The following SPINT2 variants were observed in gnomAD, a reference collection of about 807,000 sequenced individuals.
SPINT2 encodes the protein kunitz-type protease inhibitor 2.
SPINT2 carries 18 observed loss-of-function variants against 30.1 expected under a neutral mutation model. The observed-to-expected ratio is 0.60, with a 90% CI of 0.41 to 0.89. SPINT2 has a LOEUF of 0.89. SPINT2 is among the 40% of genes least tolerant of loss of function. The pLI is 0.00. For missense variants in SPINT2, 276 were observed against 334.3 expected, an observed-to-expected ratio of 0.83 and a Z score of 1.36; for synonymous variants, 139 against 137.9, an observed-to-expected ratio of 1.01 and a Z score of -0.05.
chr19:38,264,816 G>A lies in SPINT2; in HGVS notation c.-77G>A, dbSNP rs893130452. The A allele has an allele frequency of 1.4e-6, 2 of 1,454,696 alleles. No individual in the cohort carries two copies. The highest frequency in any genetic ancestry group is 1.9e-6 in the Non-Finnish European group (2 of 1,077,954). The allele number at this position is 1,454,696 out of a possible 1,614,324, so 90.1% of individuals were successfully genotyped here. A position where few individuals can be genotyped will look rare whatever the true frequency, so the allele number is the denominator to read the frequency against. Reference sequence around the variant, plus strand: ...GCGAGGCGCTCCATTGCGCGTGCGCGTTGAGGGGCTTCCCGCACCTGATCG... The same window carrying A: ...GCGAGGCGCTCCATTGCGCGTGCGCATTGAGGGGCTTCCCGCACCTGATCG... On this transcript the variant is annotated 5_prime_UTR_variant, in exon 1 of 7. Transcript: ENST00000301244.
intron 1 of SPINT2, among the ~76,000 whole-genome samples, chr19:38,266,608 G>A (rs1968382182): frequency 6.6e-6 from 1 of 151,990 alleles, no homozygotes; most frequent in South Asian, 2.1e-4. Context: ...GCCCAGAGGC[G>A]GAGGCTGTAG....
At chr19:38,285,315 C>G (rs375646775) in intron 2 of SPINT2, among the ~76,000 whole-genome samples, 1 of 152,110 alleles carries the variant, frequency 6.6e-6, no homozygotes, top group Admixed American at 6.6e-5. Context: ...TCCAGAGACC[C>G]GAGGGTTTGG....
At chr19:38,266,601 C>T (rs1039958865) in intron 1 of SPINT2, among the ~76,000 whole-genome samples, 1 of 151,714 alleles carries the variant, frequency 6.6e-6, no homozygotes, top group African/African-American at 2.4e-5. Context: ...GCTTGAAGCC[C>T]AGAGGCGGAG....
intron 1 of SPINT2, among the ~76,000 whole-genome samples, chr19:38,274,257 T>A (rs1387643144): frequency 6.6e-6 from 1 of 152,096 alleles, no homozygotes; most frequent in African/African-American, 2.4e-5. Flanking sequence ...TGCTAAATAC[T>A]ATTTTAAGCA....
intron 1 of SPINT2, among the ~76,000 whole-genome samples, chr19:38,267,833 G>C (rs903515120): frequency 6.6e-6 from 1 of 152,094 alleles, no homozygotes; most frequent in Non-Finnish European, 1.5e-5. Flanking sequence ...TGCCAGGCGG[G>C]GTAGTGAATG....
At chr19:38,282,093 A>T (rs184273981) in intron 1 of SPINT2, among the ~76,000 whole-genome samples, 2 of 152,252 alleles carry the variant, frequency 1.3e-5, no homozygotes, top group East Asian at 3.9e-4. Context: ...ATTTCCTTGG[A>T]GGCATGTATG....
intron 1 of SPINT2, among the ~76,000 whole-genome samples, chr19:38,268,766 C>CGCGCGTGTGTGT (rs375982086): frequency 2.7e-5 from 4 of 149,922 alleles, no homozygotes; most frequent in African/African-American, 7.4e-5. Flanking sequence ...TGCGCGCGCG[C>CGCGCGTGTGTGT]GTGTGTGTGT....
At chr19:38,276,600 C>T (rs1968521403) in intron 1 of SPINT2, among the ~76,000 whole-genome samples, 1 of 151,680 alleles carries the variant, frequency 6.6e-6, no homozygotes, top group Non-Finnish European at 1.5e-5. Flanking sequence ...CAAGATCGCA[C>T]CACTGCACTC....
Position 38,292,262 on chromosome 19 carries a change from G to C in SPINT2, c.*256G>C, listed in dbSNP as rs1294653083. 2.2e-6 allele frequency: 1 copy of C among 457,804 alleles called. No individual in the cohort carries two copies. Among genetic ancestry groups the C allele is most frequent in the African/African-American group, 1.9e-5 (1 of 51,320 alleles). The allele number at this position is 457,804 out of a possible 1,614,324, so 28.4% of individuals were successfully genotyped here. ...CTGATCGATTTCTTTCCTCCAGGTAGAGTTTTCTTTGCTTATGTTGAATTC... is the reference window on the plus strand; with the variant it reads ...CTGATCGATTTCTTTCCTCCAGGTACAGTTTTCTTTGCTTATGTTGAATTC... On this transcript the variant is annotated 3_prime_UTR_variant, in exon 7 of 7. Coordinates refer to ENST00000301244, the MANE Select transcript of SPINT2 (RefSeq NM_021102.4).
At chr19:38,291,686 C>G in intron 6 of SPINT2, 154 bp from the exon 7 acceptor site, 1 of 891,980 alleles carries the variant, frequency 1.1e-6, no homozygotes, top group Non-Finnish European at 1.7e-6. Context: ...AGGCTGTGTC[C>G]TCTCCAGCTG....
intron 6 of SPINT2, 120 bp from the exon 7 acceptor site, chr19:38,291,720 G>A: frequency 8.1e-7 from 1 of 1,229,576 alleles, no homozygotes; most frequent in African/African-American, 1.5e-5. Context: ...TGTCTGGGTT[G>A]GGGAGGGGCA....
chr19:38,272,690 A>G (rs760709157), intron 1 of SPINT2, among the ~76,000 whole-genome samples: 4 of 152,108 alleles, frequency 2.6e-5, no homozygotes, highest in African/African-American at 4.8e-5. Flanking sequence ...ATGAGTAGTG[A>G]TGAGTTGCAT....
Position 38,287,915 on chromosome 19 carries a change from C to T in SPINT2, c.317C>T (p.Ala106Val), listed in dbSNP as rs367927707. 7 of 1,614,062 alleles carry T rather than the reference C, an allele frequency of 4.3e-6. No homozygotes were observed. In the African/African-American group the frequency reaches 6.7e-5, roughly 15 times the overall value. ...TGDLATSRNA[A>V]DSSVPSAPRR... ...GACCTGGCCACCAGCAGGAATGCAGCGGATTCCTCTGTCCCAAGTGGTAGG... is the reference window on the plus strand; with the variant it reads ...GACCTGGCCACCAGCAGGAATGCAGTGGATTCCTCTGTCCCAAGTGGTAGG... Residue 106 changes from alanine (A) to valine (V), a missense_variant, in exon 3 of 7, where the codon GCG becomes GTG. Coordinates refer to ENST00000301244, the MANE Select transcript of SPINT2 (RefSeq NM_021102.4).
chr19:38,291,997 T>C lies in SPINT2; in HGVS notation c.750T>C (p.Tyr250=). 1 of 1,614,024 alleles carries C rather than the reference T, an allele frequency of 6.2e-7. No homozygotes were observed. Among genetic ancestry groups the C allele is most frequent in the Non-Finnish European group, 8.5e-7 (1 of 1,179,998 alleles). Residue 250 remains tyrosine (Y), a synonymous_variant, in exon 7 of 7, where the codon TAT becomes TAC. Transcript: ENST00000301244. ...DDKEQLVKNT[Y]VL ...AGGAGCAGCTGGTGAAGAACACATA[T>C]GTCCTGTGACCGCCCTGTCGCCAAG... is the stretch of plus-strand genomic sequence containing the variant.
At position 38,290,918 on chromosome 19, in the gene SPINT2, A is replaced by G; in HGVS notation, c.592+343A>G. 3 of 428,544 alleles carry G rather than the reference A, an allele frequency of 7.0e-6. No individual in the cohort carries two copies. Among genetic ancestry groups the G allele is most frequent in the Admixed American group, 7.0e-5 (2 of 28,408 alleles). The allele number at this position is 428,544 out of a possible 1,614,324, so 26.5% of individuals were successfully genotyped here. On this transcript the variant is annotated intron_variant, in intron 6 of 6. Coordinates refer to ENST00000301244, the MANE Select transcript of SPINT2 (RefSeq NM_021102.4). The surrounding 1 kb of genome is among the most constrained non-coding windows in gnomAD (Gnocchi z 4.3). ...GCTATGTGGGGCATAAGAGTTGGTC[A>G]CGGGTGACAGGACGGAGGACCACGG...
At chr19:38,276,926 G>A (rs1228349956) in intron 1 of SPINT2, among the ~76,000 whole-genome samples, 1 of 151,672 alleles carries the variant, frequency 6.6e-6, no homozygotes, top group African/African-American at 2.4e-5. Flanking sequence ...TCAGCCTCCC[G>A]AGGAGCTGAG....
At chr19:38,288,969 G>C in intron 3 of SPINT2, 169 bp from the exon 4 acceptor site, 1 of 669,798 alleles carries the variant, frequency 1.5e-6, no homozygotes, top group Non-Finnish European at 2.7e-6. Context: ...TGTGTGCGTA[G>C]AGCCCATTAG....
rs755052415 is a variant in SPINT2, at chr19:38,290,154, C to T, written c.427C>T (p.Arg143Cys). ...CTANAVTGPC[R>C]ASFPRWYFDV... Reference sequence around the variant, plus strand: ...CGCCAACGCAGTCACTGGGCCTTGCCGTGCATCCTTCCCACGCTGGTACTT... The same window carrying T: ...CGCCAACGCAGTCACTGGGCCTTGCTGTGCATCCTTCCCACGCTGGTACTT... The change falls in exon 5 of 7, where the codon CGT becomes TGT. Residue 143 changes from arginine (R) to cysteine (C), a missense_variant. Arg to Cys is a radical substitution (Grantham distance 180, BLOSUM62 -3). Coordinates refer to ENST00000301244, the MANE Select transcript of SPINT2 (RefSeq NM_021102.4). The surrounding 1 kb of genome is among the most constrained non-coding windows in gnomAD (Gnocchi z 4.3). 3 of 1,612,620 alleles carry T rather than the reference C, an allele frequency of 1.9e-6. No homozygotes were observed. Among genetic ancestry groups the T allele is most frequent in the South Asian group, 1.1e-5 (1 of 91,006 alleles).
In SPINT2 at chr19:38,284,132, C is replaced by T. The variant is rs532164682; in HGVS notation, c.277+335C>T. ...CTGGGATTACAGGCATGAGCCACTG[C>T]GCCCAGCCCCTGCTTTTTTTTTAGA... On this transcript the variant is annotated intron_variant, in intron 2 of 6. Coordinates refer to ENST00000301244, the MANE Select transcript of SPINT2 (RefSeq NM_021102.4). Among the ~76,000 whole-genome samples, 212 of 151,948 alleles carry T rather than the reference C, an allele frequency of 1.4e-3. 1 individual carries two copies. Among genetic ancestry groups the T allele is most frequent in the Non-Finnish European group, 2.1e-3 (145 of 67,958 alleles).
Sources: allele counts gnomAD v4.1 joint callset (sites outside exome capture counted in the v4.1 genomes callset), GRCh38; gene constraint gnomAD v4.1.1; non-coding constraint Gnocchi (gnomAD v3.1); transcripts MANE v1.5; gene names NCBI Gene and HGNC (gene_info 2026-07-23, HGNC 2026-07-21).